The following PDE4DIP variants were observed in gnomAD, a reference collection of about 807,000 sequenced individuals.
PDE4DIP encodes the protein phosphodiesterase 4D interacting protein.
A neutral mutation model predicts 221.4 loss-of-function variants in PDE4DIP; 59 were observed. The ratio of observed to expected loss-of-function variants is 0.27; its 90% CI spans 0.22 to 0.33. The LOEUF is 0.33. Ranked by LOEUF, PDE4DIP falls within the 10% of genes least tolerant of loss-of-function variation. PDE4DIP has a pLI of 1.00. For missense variants in PDE4DIP, 1,036 were observed against 2,154.2 expected, an observed-to-expected ratio of 0.48 and a Z score of 10.28; for synonymous variants, 404 against 815.9, an observed-to-expected ratio of 0.50 and a Z score of 8.60.
chr1:148,941,026 AAAC>A (rs1287286508), intron 5 of PDE4DIP, among the ~76,000 whole-genome samples: 2 of 101,694 alleles, frequency 2.0e-5, no homozygotes. Context: ...ACAACATCAA[AAAC>A]AAGAAACACC....
exon 9 of PDE4DIP, chr1:148,962,597 A>G: frequency 1.7e-6 from 1 of 596,634 alleles, no homozygotes; most frequent in Non-Finnish European, 2.9e-6. Flanking sequence ...GCTGCAGCAC[A>G]CGAGAGTGAA....
chr1:148,902,758 T>A (rs1573012394), intron 1 of PDE4DIP, among the ~76,000 whole-genome samples: 1 of 106,016 alleles, frequency 9.4e-6, no homozygotes, highest in Non-Finnish European at 1.8e-5. Context: ...CATATATATA[T>A]ATATGTGTGT....
rs587613890 is a variant in PDE4DIP, at chr1:149,032,479, G to A, written c.*494G>A. 76 of 314,314 alleles carry A rather than the reference G, an allele frequency of 2.4e-4. No individual in the cohort carries two copies. The South Asian group carries it at 4.0e-3, about 16-fold the overall frequency. The allele number at this position is 314,314 out of a possible 1,614,324, so 19.5% of individuals were successfully genotyped here. On this transcript the variant is annotated 3_prime_UTR_variant, in exon 44 of 44. Transcript: ENST00000369354. ...TGCCCTGCCGGACACTGCTGGCGGG[G>A]GCTCAGTGAGCACTACTCACAGATC...
chr1:148,970,108 T>C (rs1237204453), intron 14 of PDE4DIP, among the ~76,000 whole-genome samples: 3 of 151,328 alleles, frequency 2.0e-5, no homozygotes, highest in African/African-American at 7.3e-5. Flanking sequence ...TAGCTCAGAA[T>C]CCCCGTAGTC....
chr1:148,956,599 G>A (rs1298363031), intron 5 of PDE4DIP, among the ~76,000 whole-genome samples: 1 of 152,004 alleles, frequency 6.6e-6, no homozygotes, highest in African/African-American at 2.4e-5. Context: ...CCCTGAACTA[G>A]AAAAGCTATG....
rs1360085891 is a variant in PDE4DIP at position 148,844,418 on chromosome 1, C to G, written c.234-18832C>G. ...ACAGCTCAGCTGGTGCCGAGCAACT[C>G]GTGCCAGCCAGTCGTGTCTCAGCCT... On this transcript the variant is annotated intron_variant, in intron 1 of 45. Transcript: ENST00000524974. 1 of 249,650 alleles carries G rather than the reference C, an allele frequency of 4.0e-6. No individual in the cohort carries two copies. The highest frequency in any genetic ancestry group is 6.2e-6 in the Non-Finnish European group (1 of 160,352). 15.5% of individuals were successfully genotyped at this position (249,650 alleles called of 1,614,324 possible). A position where few individuals can be genotyped will look rare whatever the true frequency, so the allele number is the denominator to read the frequency against.
intron 5 of PDE4DIP, among the ~76,000 whole-genome samples, chr1:148,946,504 C>T (rs1162283689): frequency 7.0e-6 from 1 of 143,608 alleles, no homozygotes; most frequent in Non-Finnish European, 1.5e-5. Context: ...TGTGCCATTG[C>T]ACTCCAGCCT....
At chr1:149,012,881 C>T (rs1263829274) in intron 32 of PDE4DIP, 105 bp downstream of exon 35, 28 of 602,214 alleles carry the variant, frequency 4.6e-5, no homozygotes, top group African/African-American at 2.6e-4. Flanking sequence ...CACGGGTACA[C>T]GTTACAAATG....
At chr1:148,929,545 A>G in intron 2 of PDE4DIP, 1 of 384,482 alleles carries the variant, frequency 2.6e-6, no homozygotes, top group South Asian at 2.9e-5. Flanking sequence ...TGAAACAGTG[A>G]ATGTTTCCAC....
intron 33 of PDE4DIP, among the ~76,000 whole-genome samples, chr1:149,016,784 G>T (rs2070740986): frequency 6.6e-6 from 1 of 152,252 alleles, no homozygotes; most frequent in South Asian, 2.1e-4. Context: ...CACCTCTTGT[G>T]CTGTCACACT....
intron 43 of PDE4DIP, chr1:149,030,786 G>A: frequency 1.0e-6 from 1 of 984,002 alleles, no homozygotes; most frequent in African/African-American, 1.7e-5. Flanking sequence ...AAAGAGATCT[G>A]TTGGGTCTCA....
At chr1:148,905,280 T>G (rs1338853412) in intron 1 of PDE4DIP, among the ~76,000 whole-genome samples, 2 of 110,514 alleles carry the variant, frequency 1.8e-5, no homozygotes, top group South Asian at 3.7e-4. Flanking sequence ...GCCTCCCGGG[T>G]TCATGCCATT....
chr1:148,834,264 C>CT (rs1172368428), intron 1 of PDE4DIP, among the ~76,000 whole-genome samples: 1 of 127,884 alleles, frequency 7.8e-6, no homozygotes, highest in South Asian at 2.8e-4. Flanking sequence ...CAACCCCTGC[C>CT]TTTTTTTGTT....
chr1:148,930,247 C>T (rs2047590225), intron 2 of PDE4DIP: 1 of 152,208 alleles, frequency 6.6e-6, no homozygotes. Flanking sequence ...GGCATGGTGG[C>T]TCACGCCTGT....
chr1:148,929,510 C>T, intron 2 of PDE4DIP: 1 of 456,812 alleles, frequency 2.2e-6, no homozygotes, highest in Non-Finnish European at 4.0e-6. Context: ...CTGCAAACTT[C>T]CTATCAGTCA....
At chr1:148,963,057 T>C (rs1454069682) in intron 9 of PDE4DIP, among the ~76,000 whole-genome samples, 1 of 152,020 alleles carries the variant, frequency 6.6e-6, no homozygotes, top group Non-Finnish European at 1.5e-5. Context: ...CATGCCTGGC[T>C]AATGTTGTTT....
At chr1:148,813,690 G>T in intron 1 of PDE4DIP, among the ~76,000 whole-genome samples, 1 of 91,094 alleles carries the variant, frequency 1.1e-5, no homozygotes, top group Non-Finnish European at 2.2e-5. Context: ...AAGTTTTATA[G>T]TTTTGCATTT....
intron 9 of PDE4DIP, among the ~76,000 whole-genome samples, chr1:148,963,263 C>T (rs2057368376): frequency 2.6e-5 from 4 of 152,242 alleles, no homozygotes; most frequent in East Asian, 1.9e-4. Flanking sequence ...TATCTATGCA[C>T]AGGAAAAAAC....
intron 16 of PDE4DIP, 95 bp downstream of exon 19, chr1:148,972,687 T>C (rs587708358): frequency 2.4e-5 from 12 of 491,568 alleles, no homozygotes; most frequent in Non-Finnish European, 4.0e-5. Context: ...AAGACTCTTT[T>C]CTCTTCCTAC....
Sources: allele counts gnomAD v4.1 joint callset (sites outside exome capture counted in the v4.1 genomes callset), GRCh38; gene constraint gnomAD v4.1.1; transcripts MANE v1.5; gene names NCBI Gene and HGNC (gene_info 2026-07-23, HGNC 2026-07-21).